Variants in FRMD3 observed in about 807,000 individuals in gnomAD.
FRMD3 encodes FERM domain-containing protein 3.
A neutral mutation model predicts 70.2 loss-of-function variants in FRMD3; 33 were observed. That is an observed-to-expected ratio of 0.47 (90% confidence interval 0.36 to 0.63). FRMD3 has a LOEUF of 0.63. FRMD3 is among the 20% of genes least tolerant of loss of function. The pLI is 0.00. For missense variants in FRMD3, 632 were observed against 711.4 expected (o/e 0.89, Z 1.27); for synonymous variants, 279 against 255.9 (o/e 1.09, Z -0.86).
chr9:83,500,274 G>A (rs1485831084), intron 1 of FRMD3, among the ~76,000 whole-genome samples: 1 of 151,992 alleles, frequency 6.6e-6, no homozygotes, highest in African/African-American at 2.4e-5. Flanking sequence ...ATAAAAGTTT[G>A]TCAATTACAA....
At chr9:83,555,956 A>C in the FRMD3 span, among the ~76,000 whole-genome samples, 2 of 152,136 alleles carry the variant, frequency 1.3e-5, no homozygotes, top group African/African-American at 4.8e-5. Flanking sequence ...CCCTGGCTCC[A>C]TGTTGCTCCC....
chr9:83,318,930 G>C (rs1835691791), intron 6 of FRMD3, among the ~76,000 whole-genome samples: 1 of 151,890 alleles, frequency 6.6e-6, no homozygotes, highest in Admixed American at 6.6e-5. Context: ...ATGTTTCTTG[G>C]CCACTTGGAT....
At chr9:83,550,976 C>T in the FRMD3 span, among the ~76,000 whole-genome samples, 3 of 152,060 alleles carry the variant, frequency 2.0e-5, no homozygotes, top group Non-Finnish European at 2.9e-5. Context: ...ATTTCTTTCT[C>T]TTGCCTGATT....
At chr9:83,379,887 A>G (rs1825304024) in intron 2 of FRMD3, among the ~76,000 whole-genome samples, 1 of 152,112 alleles carries the variant, frequency 6.6e-6, no homozygotes, top group South Asian at 2.1e-4. Flanking sequence ...GAACTCCCCT[A>G]TGAGATTGAG....
chr9:83,368,166 A>C (rs968255551), intron 3 of FRMD3, among the ~76,000 whole-genome samples: 7 of 152,218 alleles, frequency 4.6e-5, no homozygotes, highest in African/African-American at 1.7e-4. Context: ...TGATGTCACC[A>C]CAAAGGCACA....
intron 6 of FRMD3, among the ~76,000 whole-genome samples, chr9:83,330,442 T>G (rs1248116656): frequency 2.0e-5 from 3 of 152,150 alleles, no homozygotes; most frequent in Non-Finnish European, 1.5e-5. Context: ...AAATCAGTCC[T>G]CATCTCTGCA....
intron 1 of FRMD3, among the ~76,000 whole-genome samples, chr9:83,470,661 G>C (rs573335348): frequency 2.8e-4 from 43 of 152,312 alleles, no homozygotes; most frequent in Admixed American, 2.5e-3. Flanking sequence ...GTCCCAGAAG[G>C]GTCCCGATCA....
chr9:83,552,642 GGTGCT>G, the FRMD3 span, among the ~76,000 whole-genome samples: 1 of 152,030 alleles, frequency 6.6e-6, no homozygotes, highest in Non-Finnish European at 1.5e-5. Context: ...TAGGAATCTG[GGTGCT>G]CCTGTGTTGG....
At chr9:83,556,925 A>G in the FRMD3 span, among the ~76,000 whole-genome samples, 2 of 152,016 alleles carry the variant, frequency 1.3e-5, no homozygotes, top group Non-Finnish European at 2.9e-5. Context: ...AATTTTTGAA[A>G]TAGTTTATTT....
chr9:83,284,027 T>A (rs771292693), intron 13 of FRMD3, among the ~76,000 whole-genome samples: 2 of 151,196 alleles, frequency 1.3e-5, no homozygotes, highest in Non-Finnish European at 2.9e-5. Flanking sequence ...GCATTAACAC[T>A]GATTTCCTCT....
chr9:83,334,429 G>A (rs922136995), intron 6 of FRMD3, among the ~76,000 whole-genome samples: 9 of 152,110 alleles, frequency 5.9e-5, no homozygotes, highest in African/African-American at 2.2e-4. Flanking sequence ...TCACCAGTAG[G>A]GGGCGCGCCT....
chr9:83,275,106 G>T (rs1833752644), intron 13 of FRMD3, among the ~76,000 whole-genome samples: 1 of 152,150 alleles, frequency 6.6e-6, no homozygotes. Context: ...CGTTAAATAT[G>T]AGCTGTTATG....
chr9:83,380,383 C>T (rs865896992), intron 2 of FRMD3, among the ~76,000 whole-genome samples: 2 of 151,866 alleles, frequency 1.3e-5, no homozygotes, highest in Admixed American at 6.6e-5. Context: ...GGTGGGAGGC[C>T]GATTCCAGAA....
Position 83,488,997 on chromosome 9 carries a change from T to C in FRMD3, c.147+49088A>G, listed in dbSNP as rs1365435375. Among the ~76,000 whole-genome samples, 531 of 114,508 alleles carry C rather than the reference T, an allele frequency of 4.6e-3. 3 individuals are homozygous for C. The highest frequency in any genetic ancestry group is 0.017 in the African/African-American group (504 of 29,506). The allele number at this position is 114,508 out of a possible 152,430, so 75.1% of individuals were successfully genotyped here. ...TTGTGTGTGTGTGTGTGTGTGTGTG[T>C]GTGTGTGTGTGTGTGTGTGCTTGTG... On this transcript the variant is annotated intron_variant, in intron 1 of 13. Coordinates refer to ENST00000304195, the MANE Select transcript of FRMD3 (RefSeq NM_174938.6).
chr9:83,248,514 C>T lies in FRMD3; in HGVS notation c.1198G>A (p.Val400Ile), dbSNP rs376294930. The T allele has an allele frequency of 1.3e-6, 2 of 1,599,648 alleles. No homozygotes were observed. Among genetic ancestry groups the T allele is most frequent in the Non-Finnish European group, 1.7e-6 (2 of 1,175,944 alleles). Residue 400 changes from valine (V) to isoleucine (I), a missense_variant and splice_region_variant, in exon 14 of 14, where the codon GTT becomes ATT. Coordinates refer to ENST00000304195, the MANE Select transcript of FRMD3 (RefSeq NM_174938.6). Reference sequence around the variant, plus strand: ...ATGTTCTCCTCTTTAGGCAATGGAACACCTGTAAAGAGACATTTTTTTTTC... The same window carrying T: ...ATGTTCTCCTCTTTAGGCAATGGAATACCTGTAAAGAGACATTTTTTTTTC... ...QEEELPLGEG[V>I]PLPKEENISA...
the FRMD3 span, among the ~76,000 whole-genome samples, chr9:83,582,059 G>T: frequency 6.6e-6 from 1 of 152,122 alleles, no homozygotes; most frequent in East Asian, 1.9e-4. Context: ...GTTGTCATAA[G>T]TAATAAAAAG....
intron 6 of FRMD3, among the ~76,000 whole-genome samples, chr9:83,333,578 T>C (rs948372595): frequency 2.6e-5 from 4 of 152,232 alleles, no homozygotes; most frequent in South Asian, 2.1e-4. Flanking sequence ...ACGCCTCTCA[T>C]GACTCTCTTC....
intron 1 of FRMD3, among the ~76,000 whole-genome samples, chr9:83,532,811 T>G (rs1829816896): frequency 6.6e-6 from 1 of 152,200 alleles, no homozygotes; most frequent in African/African-American, 2.4e-5. Flanking sequence ...TCTGGGAAAG[T>G]GTTCCTCTGT....
At chr9:83,398,480 T>C (rs1478469169) in intron 1 of FRMD3, among the ~76,000 whole-genome samples, 1 of 152,224 alleles carries the variant, frequency 6.6e-6, no homozygotes, top group African/African-American at 2.4e-5. Flanking sequence ...GTTTCTTTGA[T>C]TTGTGTTATC....
Sources: allele counts gnomAD v4.1 joint callset (sites outside exome capture counted in the v4.1 genomes callset), GRCh38; gene constraint gnomAD v4.1.1; transcripts MANE v1.5; gene names NCBI Gene and HGNC (gene_info 2026-07-23, HGNC 2026-07-21).